GNAQ: variants seen among roughly 807,000 people sequenced by gnomAD.
The protein encoded by GNAQ is guanine nucleotide-binding protein G(q) subunit alpha.
GNAQ carries 8 observed loss-of-function variants against 43.9 expected under a neutral mutation model. The ratio of observed to expected loss-of-function variants is 0.18; its 90% CI spans 0.11 to 0.33. GNAQ has a LOEUF of 0.33. GNAQ is among the 10% of genes least tolerant of loss of function. The pLI, the probability that GNAQ is intolerant of heterozygous loss-of-function variation, is 1.00. For missense variants in GNAQ, 158 were observed against 450.8 expected (o/e 0.35, Z 5.88); for synonymous variants, 155 against 170.7 (o/e 0.91, Z 0.71).
chr9:77,889,410 C>CAAAA lies in GNAQ; in HGVS notation c.321+32747_321+32750dup, dbSNP rs58496646. 5.8e-3 allele frequency among the ~76,000 whole-genome samples: 278 copies of CAAAA among 48,068 alleles called. 28 individuals carry two copies. The highest frequency in any genetic ancestry group is 7.5e-3 in the Non-Finnish European group (217 of 28,818). 31.5% of individuals were successfully genotyped at this position (48,068 alleles called of 152,430 possible). A position where few individuals can be genotyped will look rare whatever the true frequency, so the allele number is the denominator to read the frequency against. The stretch of plus-strand genomic sequence containing the variant: ...TGGGCGACAAAGCCAGACCCTGTCT[C>CAAAA]AAAAAAAAAAAAAAAAAAAAAAAAA... On this transcript the variant is annotated intron_variant, in intron 2 of 6. Coordinates refer to ENST00000286548, the MANE Select transcript of GNAQ (RefSeq NM_002072.5).
At chr9:77,996,677 C>CAAAAAAAAAAAAAAAAA (rs3083223) in intron 1 of GNAQ, among the ~76,000 whole-genome samples, 3 of 105,592 alleles carry the variant, frequency 2.8e-5, no homozygotes, top group Non-Finnish European at 3.8e-5. Context: ...GACTCCATCT[C>CAAAAAAAAAAAAAAAAA]AAAAAAAAAA....
chr9:78,027,924 G>A (rs1426540999), intron 1 of GNAQ, among the ~76,000 whole-genome samples: 5 of 152,144 alleles, frequency 3.3e-5, no homozygotes, highest in Non-Finnish European at 1.5e-5. Flanking sequence ...GTTTCTTCTA[G>A]GAACTGAAAA....
At position 77,969,525 on chromosome 9, in the gene GNAQ, G is replaced by A. The variant is rs190635846; in HGVS notation, c.137-47180C>T. ...CAAAAAGTCATAAAATGTAGATGAT[G>A]GAAGAGAGGTTACATTATATATAAT... On this transcript the variant is annotated intron_variant, in intron 1 of 6. Transcript: ENST00000286548. Among the ~76,000 whole-genome samples the A allele has an allele frequency of 1.6e-4, 24 of 152,244 alleles. No individual in the cohort carries two copies. The East Asian group carries it at 4.2e-3, about 27-fold the overall frequency.
intron 2 of GNAQ, among the ~76,000 whole-genome samples, chr9:77,888,506 A>G (rs768383629): frequency 1.3e-5 from 2 of 152,218 alleles, no homozygotes; most frequent in South Asian, 2.1e-4. Flanking sequence ...GTGGCTTGCT[A>G]TAAGAGTGAA....
intron 1 of GNAQ, among the ~76,000 whole-genome samples, chr9:77,998,171 T>C (rs1043169411): frequency 2.6e-5 from 4 of 152,318 alleles, no homozygotes; most frequent in African/African-American, 9.6e-5. Context: ...CGGCTTCCTG[T>C]TGAAGTCCGC....
intron 1 of GNAQ, among the ~76,000 whole-genome samples, chr9:77,926,290 T>C (rs576170628): frequency 1.8e-4 from 28 of 152,298 alleles, no homozygotes; most frequent in Non-Finnish European, 3.2e-4. Flanking sequence ...TCCTGATTAG[T>C]ATGAAAAATT....
rs139364269 is a variant in GNAQ at position 77,718,992 on chromosome 9, C to T, written c.*2331G>A. The T allele has an allele frequency of 6.3e-3, 1,469 of 231,942 alleles. 17 individuals are homozygous for T. Among genetic ancestry groups the T allele is most frequent in the African/African-American group, 0.025 (1,119 of 45,318 alleles). The allele number at this position is 231,942 out of a possible 1,614,324, so 14.4% of individuals were successfully genotyped here. Reference sequence around the variant, plus strand: ...GGTTTCCATGTTTGTATAAAAGCTCCGACTGATTTTATGTATTTTGCTATG... The same window carrying T: ...GGTTTCCATGTTTGTATAAAAGCTCTGACTGATTTTATGTATTTTGCTATG... On this transcript the variant is annotated 3_prime_UTR_variant, in exon 7 of 7. Transcript: ENST00000286548.
At chr9:77,760,112 A>C (rs546059486) in intron 5 of GNAQ, among the ~76,000 whole-genome samples, 25 of 151,108 alleles carry the variant, frequency 1.7e-4, no homozygotes, top group African/African-American at 5.6e-4. Context: ...TATAAAATTA[A>C]TTATTTTAAA....
At chr9:77,910,998 A>G (rs775016257) in intron 2 of GNAQ, among the ~76,000 whole-genome samples, 5 of 152,228 alleles carry the variant, frequency 3.3e-5, no homozygotes, top group Admixed American at 1.3e-4. Context: ...AATTCATTCA[A>G]CAGAGTAGAA....
intron 2 of GNAQ, among the ~76,000 whole-genome samples, chr9:77,897,094 A>C (rs1828516672): frequency 6.6e-6 from 1 of 152,190 alleles, no homozygotes; most frequent in African/African-American, 2.4e-5. Flanking sequence ...GCCCCATTAC[A>C]AAGGAGGCAC....
chr9:77,993,972 A>C (rs1274831547), intron 1 of GNAQ, among the ~76,000 whole-genome samples: 5 of 152,120 alleles, frequency 3.3e-5, no homozygotes. Context: ...CCCTTACTGA[A>C]GCTGCTTTGT....
Position 77,808,875 on chromosome 9 carries a change from AAAAC to A in GNAQ, c.476+6737_476+6740del, listed in dbSNP as rs1239030084. On this transcript the variant is annotated intron_variant, in intron 3 of 6. Transcript: ENST00000286548. ...GAGTAGGCTTAAACTTAAAAAAAACAAAACAAAACAAAACAAAACAAAAAAAACT... is the reference window on the plus strand; with the variant it reads ...GAGTAGGCTTAAACTTAAAAAAAACAAAAACAAAACAAAACAAAAAAAACT... Among the ~76,000 whole-genome samples the A allele has an allele frequency of 1.3e-3, 181 of 141,686 alleles. 1 individual carries two copies. Among genetic ancestry groups the A allele is most frequent in the African/African-American group, 5.2e-3 (170 of 32,588 alleles). The allele number at this position is 141,686 out of a possible 152,430, so 93.0% of individuals were successfully genotyped here.
intron 2 of GNAQ, among the ~76,000 whole-genome samples, chr9:77,917,907 T>C (rs1350081956): frequency 6.6e-6 from 1 of 152,166 alleles, no homozygotes; most frequent in African/African-American, 2.4e-5. Context: ...CATCTTTCTT[T>C]TGGTAAAATG....
intron 5 of GNAQ, among the ~76,000 whole-genome samples, chr9:77,779,289 T>C (rs2118397016): frequency 6.6e-6 from 1 of 151,860 alleles, no homozygotes; most frequent in East Asian, 1.9e-4. Context: ...CCCAAATACA[T>C]GGAAATTAAA....
intron 1 of GNAQ, among the ~76,000 whole-genome samples, chr9:77,946,138 G>T (rs1281679349): frequency 6.6e-6 from 1 of 152,238 alleles, no homozygotes; most frequent in South Asian, 2.1e-4. Context: ...ACTATCTACA[G>T]AACAACCACC....
At chr9:77,823,238 C>G (rs1184964866) in intron 2 of GNAQ, among the ~76,000 whole-genome samples, 1 of 152,108 alleles carries the variant, frequency 6.6e-6, no homozygotes, top group African/African-American at 2.4e-5. Flanking sequence ...CACGCCTGGC[C>G]TAGAATTTAA....
At chr9:77,892,418 C>T (rs1828420951) in intron 2 of GNAQ, among the ~76,000 whole-genome samples, 1 of 152,212 alleles carries the variant, frequency 6.6e-6, no homozygotes, top group African/African-American at 2.4e-5. Context: ...AGGACACTGT[C>T]TTGGATTTCT....
intron 5 of GNAQ, among the ~76,000 whole-genome samples, chr9:77,761,008 C>T (rs1399489041): frequency 1.0e-3 from 151 of 151,336 alleles, no homozygotes; most frequent in Non-Finnish European, 1.6e-3. Flanking sequence ...ACCCTCCGCC[C>T]GGCAGCCGCC....
chr9:77,937,312 T>A (rs6560620), intron 1 of GNAQ, among the ~76,000 whole-genome samples: 1 of 152,110 alleles, frequency 6.6e-6, no homozygotes, highest in Non-Finnish European at 1.5e-5. Context: ...GTGGTGCATG[T>A]CTGTAATCCC....
Sources: allele counts gnomAD v4.1 joint callset (sites outside exome capture counted in the v4.1 genomes callset), GRCh38; gene constraint gnomAD v4.1.1; transcripts MANE v1.5; gene names NCBI Gene and HGNC (gene_info 2026-07-23, HGNC 2026-07-21).